Variants in ZNF585B observed in about 807,000 individuals in gnomAD.
ZNF585B encodes the protein zinc finger protein 585B.
A neutral mutation model predicts 14.0 loss-of-function variants in ZNF585B; 7 were observed. The observed-to-expected ratio is 0.50, with a 90% CI of 0.28 to 0.94. The LOEUF (loss-of-function observed/expected upper bound fraction) is 0.94, where lower values mean the gene tolerates loss of function less well. Ranked by LOEUF, ZNF585B falls within the 40% of genes least tolerant of loss-of-function variation. The pLI, the probability that ZNF585B is intolerant of heterozygous loss-of-function variation, is 0.09. For synonymous variants in ZNF585B, 290 were observed against 317.3 expected (o/e 0.91, Z 0.91); for missense variants, 750 against 924.4 (o/e 0.81, Z 2.45).
At chr19:37,201,544 T>C (rs555055446) in intron 2 of ZNF585B, among the ~76,000 whole-genome samples, 1 of 152,210 alleles carries the variant, frequency 6.6e-6, no homozygotes, top group Non-Finnish European at 1.5e-5. Flanking sequence ...ACAGATTTCC[T>C]GTTTACACAG....
chr19:37,194,496 C>G (rs1303530377), intron 2 of ZNF585B, among the ~76,000 whole-genome samples: 1 of 152,086 alleles, frequency 6.6e-6, no homozygotes, highest in Non-Finnish European at 1.5e-5. Context: ...GCCTGTAATC[C>G]CAGCTACTTG....
At chr19:37,187,739 G>A (rs376169244) in intron 4 of ZNF585B, among the ~76,000 whole-genome samples, 158 of 152,234 alleles carry the variant, frequency 1.0e-3, no homozygotes, top group African/African-American at 3.4e-3. Flanking sequence ...AGAGGGGAAG[G>A]TAAAAATGGC....
At chr19:37,193,485 A>G (rs906814032) in intron 2 of ZNF585B, among the ~76,000 whole-genome samples, 1 of 151,732 alleles carries the variant, frequency 6.6e-6, no homozygotes, top group Admixed American at 6.6e-5. Flanking sequence ...AAAAAAAAAA[A>G]AAGAGAACTA....
At chr19:37,200,463 T>A (rs1035567180) in intron 2 of ZNF585B, among the ~76,000 whole-genome samples, 4 of 146,826 alleles carry the variant, frequency 2.7e-5, no homozygotes, top group Non-Finnish European at 5.9e-5. Flanking sequence ...GGCAGAAGAA[T>A]CGCTTGAACC....
intron 2 of ZNF585B, among the ~76,000 whole-genome samples, chr19:37,196,907 C>A (rs879906494): frequency 6.6e-6 from 1 of 152,168 alleles, no homozygotes; most frequent in African/African-American, 2.4e-5. Flanking sequence ...AGCTTTTCAA[C>A]TGCACAGAGG....
intron 2 of ZNF585B, among the ~76,000 whole-genome samples, chr19:37,191,909 A>G (rs1972405832): frequency 6.6e-6 from 1 of 152,116 alleles, no homozygotes; most frequent in Non-Finnish European, 1.5e-5. Flanking sequence ...GAGCACCTGT[A>G]ATCCCAGCTA....
rs1270320461 is a variant in ZNF585B, at chr19:37,186,379, G to A, written c.1158C>T (p.Asp386=). ...ACTTCTGAGTGAAGGCTCTCCCACA[G>A]TCACTGCATTCATAAGGTTTCTCTC... ...HTGEKPYECS[D]CGRAFTQKSA... Residue 386 remains aspartate (D), a synonymous_variant, in exon 5 of 5, where the codon GAC becomes GAT. Transcript: ENST00000532828. The A allele has an allele frequency of 6.2e-7, 1 of 1,613,828 alleles. No individual in the cohort carries two copies. Among genetic ancestry groups the A allele is most frequent in the African/African-American group, 1.3e-5 (1 of 74,846 alleles).
Position 37,185,432 on chromosome 19 carries a change from T to A in ZNF585B, c.2105A>T (p.Lys702Ile), listed in dbSNP as rs201496130. The A allele has an allele frequency of 1.5e-5, 24 of 1,613,570 alleles. No homozygotes were observed. The highest frequency in any genetic ancestry group is 1.5e-4 in the African/African-American group (11 of 74,922). ...TCGCTGATGCACTTGGAGCTGTGAT[T>A]TTTTAGTGAAAGACTTCCCACAGTC... The part of the protein sequence containing the change: ...CSDCGKSFTK[K>I]SQLQVHQRIH... Residue 702 changes from lysine to isoleucine, a missense_variant, in exon 5 of 5, where the codon AAA becomes ATA. Lys to Ile is a moderately radical substitution (Grantham distance 102, BLOSUM62 -3). This residue lies in a region of ZNF585B where 233 missense variants were observed against 354.1 expected (regional missense o/e 0.66). Coordinates refer to ENST00000532828, the MANE Select transcript of ZNF585B (RefSeq NM_152279.4).
chr19:37,185,287 G>A lies in ZNF585B; in HGVS notation c.2250C>T (p.Ile750=). 6.2e-7 allele frequency: 1 copy of A among 1,614,136 alleles called. No individual in the cohort carries two copies. Among genetic ancestry groups the A allele is most frequent in the South Asian group, 1.1e-5 (1 of 91,080 alleles). ...HTGDKPYKCG[I]CGKGFVQKSV... ...ATTTCTGAACGAAGCCTTTCCCACA[G>A]ATGCCACACTTGTAGGGTTTGTCTC... The change falls in exon 5 of 5, where the codon ATC becomes ATT. Residue 750 remains isoleucine, a synonymous_variant. Transcript: ENST00000532828.
intron 2 of ZNF585B, among the ~76,000 whole-genome samples, chr19:37,206,377 G>T (rs1197559781): frequency 6.6e-6 from 1 of 151,772 alleles, no homozygotes; most frequent in Non-Finnish European, 1.5e-5. Context: ...CTTGAACCCA[G>T]GAGGCGGAGG....
intron 2 of ZNF585B, among the ~76,000 whole-genome samples, chr19:37,197,738 T>C (rs913538228): frequency 6.6e-6 from 1 of 152,240 alleles, no homozygotes; most frequent in East Asian, 1.9e-4. Flanking sequence ...CCAGTGATGA[T>C]GAGCATTTTT....
chr19:37,185,814 C>A lies in ZNF585B; in HGVS notation c.1723G>T (p.Glu575Ter), dbSNP rs753599005. The change falls in exon 5 of 5, where the codon GAG (glutamate) becomes TAG (stop). Residue 575 changes from glutamate to a stop codon, truncating the protein, a stop_gained. Coordinates refer to ENST00000532828, the MANE Select transcript of ZNF585B (RefSeq NM_152279.4). LOFTEE classifies it low-confidence loss of function (END_TRUNC). ...CACTCAGTGCATACATAGGGTTTCT[C>A]TCCTGTATGAATTTTCTGATGAACA... The part of the protein sequence containing the change: ...LIVHQKIHTG[E>*]KPYVCTECGR... The A allele has an allele frequency of 6.2e-7, 1 of 1,609,056 alleles. No individual in the cohort carries two copies. The highest frequency in any genetic ancestry group is 1.3e-5 in the African/African-American group (1 of 74,426).
intron 4 of ZNF585B, among the ~76,000 whole-genome samples, chr19:37,188,164 C>T (rs1055648043): frequency 6.6e-6 from 1 of 152,140 alleles, no homozygotes; most frequent in Non-Finnish European, 1.5e-5. Flanking sequence ...CAAACCTCAT[C>T]AGGTGAAATA....
chr19:37,194,823 C>T (rs753913043), intron 2 of ZNF585B, among the ~76,000 whole-genome samples: 30 of 151,926 alleles, frequency 2.0e-4, no homozygotes, highest in Non-Finnish European at 3.8e-4. Flanking sequence ...TAGACCATAC[C>T]CTAGGCTATA....
intron 1 of ZNF585B, among the ~76,000 whole-genome samples, chr19:37,209,732 T>C (rs866697375): frequency 7.3e-6 from 1 of 137,592 alleles, no homozygotes; most frequent in Non-Finnish European, 1.6e-5. Context: ...TCTTTTTTTT[T>C]TTTTTTTTTT....
At chr19:37,190,698 T>A (rs2145434080) in intron 2 of ZNF585B, among the ~76,000 whole-genome samples, 1 of 151,932 alleles carries the variant, frequency 6.6e-6, no homozygotes, top group Non-Finnish European at 1.5e-5. Context: ...CCTGAGTAGC[T>A]GGGATTACAG....
chr19:37,207,247 C>T lies in ZNF585B; in HGVS notation c.-136G>A. ...TGGCCCAGGGACTCCCCAGAGACAC[C>T]CAAGAACCTAGAAAAACAATGTCCA... On this transcript the variant is annotated 5_prime_UTR_variant, in exon 2 of 5. It introduces an in-frame stop codon into an upstream open reading frame of the 5' UTR. Coordinates refer to ENST00000532828, the MANE Select transcript of ZNF585B (RefSeq NM_152279.4). 1 of 1,473,740 alleles carries T rather than the reference C, an allele frequency of 6.8e-7. No individual in the cohort carries two copies. 91.3% of individuals were successfully genotyped at this position (1,473,740 alleles called of 1,614,324 possible).
intron 2 of ZNF585B, among the ~76,000 whole-genome samples, chr19:37,195,345 C>CAAAAAAAAAAAAAAAA (rs71177429): frequency 7.0e-5 from 1 of 14,282 alleles, no homozygotes. Flanking sequence ...GACTCTGACT[C>CAAAAAAAAAAAAAAAA]AAAAAAAAAA....
In ZNF585B at chr19:37,186,035, T is replaced by C; in HGVS notation, c.1502A>G (p.Lys501Arg). 1 of 1,614,052 alleles carries C rather than the reference T, an allele frequency of 6.2e-7. No individual in the cohort carries two copies. The highest frequency in any genetic ancestry group is 8.5e-7 in the Non-Finnish European group (1 of 1,179,986). ...CAAGTCTGACCTCTGGGTGAAGGCCTTTCCACATTTGGAACATATATAAGA... is the reference window on the plus strand; with the variant it reads ...CAAGTCTGACCTCTGGGTGAAGGCCCTTCCACATTTGGAACATATATAAGA... ...EKSYICSKCG[K>R]AFTQRSDLIT... is the part of the protein sequence containing the mutation. The change falls in exon 5 of 5, where the codon AAG (lysine) becomes AGG (arginine). Residue 501 changes from lysine (K) to arginine (R), a missense_variant. Lys to Arg is a conservative substitution (Grantham distance 26). Transcript: ENST00000532828.
Sources: gnomAD v4.1 joint callset for allele counts (sites outside exome capture counted in the v4.1 genomes callset) on GRCh38, gnomAD v4.1.1 for gene constraint, gnomAD v4.1.1 regional missense constraint, MANE v1.5 for transcripts, NCBI Gene and HGNC (gene_info 2026-07-23, HGNC 2026-07-21) for gene names.